Variants in DIAPH1 observed in about 807,000 individuals in gnomAD.
The protein encoded by DIAPH1 is protein diaphanous homolog 1.
DIAPH1 carries 46 observed loss-of-function variants against 140.7 expected under a neutral mutation model. That is an observed-to-expected ratio of 0.33 (90% CI 0.26 to 0.42). The LOEUF is 0.42. Among genes scored for constraint, DIAPH1 ranks in the 10% least tolerant of loss-of-function variants. The pLI, the probability that DIAPH1 is intolerant of heterozygous loss-of-function variation, is 1.00. For missense variants in DIAPH1, 1,310 were observed against 1,558.7 expected (o/e 0.84, Z 2.69); for synonymous variants, 565 against 551.6 (o/e 1.02, Z -0.34).
chr5:141,532,512 C>T (rs770912802), intron 19 of DIAPH1, among the ~76,000 whole-genome samples: 12 of 152,138 alleles, frequency 7.9e-5, no homozygotes, highest in Non-Finnish European at 1.5e-4. Flanking sequence ...GTAGTACCTC[C>T]TTTAGAATAT....
intron 18 of DIAPH1, among the ~76,000 whole-genome samples, chr5:141,553,329 C>T (rs2154595687): frequency 6.7e-6 from 1 of 149,510 alleles, no homozygotes; most frequent in Non-Finnish European, 1.5e-5. Context: ...AGATGTGTCC[C>T]AAACAATAAT....
intron 19 of DIAPH1, among the ~76,000 whole-genome samples, chr5:141,532,606 C>G (rs1020266404): frequency 2.0e-5 from 3 of 152,220 alleles, no homozygotes; most frequent in African/African-American, 7.2e-5. Context: ...TTCTAGCATA[C>G]CTCCATCATA....
At chr5:141,618,521 A>G in intron 1 of DIAPH1, 2 of 345,546 alleles carry the variant, frequency 5.8e-6, no homozygotes, top group South Asian at 7.7e-5. Context: ...CGGGGCTGAG[A>G]GCCGGCCGGG....
rs2099887567 is a variant in DIAPH1 at position 141,527,608 on chromosome 5, T to C, written c.3238A>G (p.Thr1080Ala). 1.2e-6 allele frequency: 2 copies of C among 1,611,778 alleles called. No homozygotes were observed. Among genetic ancestry groups the C allele is most frequent in the Non-Finnish European group, 1.7e-6 (2 of 1,179,336 alleles). The change falls in exon 24 of 28, where the codon ACA becomes GCA. Residue 1080 changes from threonine to alanine, a missense_variant. Physicochemically the swap from Thr to Ala is moderately conservative, Grantham distance 58 (BLOSUM62 0). Around this residue, in one of 3 missense-constraint regions of DIAPH1, gnomAD observed 344 missense variants for 512.2 expected, o/e 0.67. Coordinates refer to ENST00000389054, the MANE Select transcript of DIAPH1 (RefSeq NM_005219.5). ...TCAACAAACTTGTCTTTTTCATCTGTGGCAGCTGGGAAATTCTGAACATCA... is the reference window on the plus strand; with the variant it reads ...TCAACAAACTTGTCTTTTTCATCTGCGGCAGCTGGGAAATTCTGAACATCA... ...ERDVQNFPAATDEKDKFVEKM... is the reference protein window; with the variant it reads ...ERDVQNFPAAADEKDKFVEKM...
At chr5:141,578,972 A>C (rs1268368324) in intron 9 of DIAPH1, 116 bp downstream of exon 9, 2 of 842,220 alleles carry the variant, frequency 2.4e-6, no homozygotes, top group East Asian at 4.8e-5. Flanking sequence ...ACAGATTCTG[A>C]AATGTAAAAT....
intron 19 of DIAPH1, 106 bp from the exon 20 acceptor site, chr5:141,529,803 G>A: frequency 1.0e-6 from 1 of 985,944 alleles, no homozygotes; most frequent in Non-Finnish European, 1.6e-6. Context: ...GCTCTTTTAG[G>A]CCAGGCACAG....
At chr5:141,593,192 A>AGGAGGGG (rs1166137505) in intron 1 of DIAPH1, among the ~76,000 whole-genome samples, 2 of 152,208 alleles carry the variant, frequency 1.3e-5, no homozygotes, top group African/African-American at 4.8e-5. Context: ...TGGGAGTTAA[A>AGGAGGGG]GGAGGGGGAG....
intron 18 of DIAPH1, chr5:141,564,721 AAAG>A (rs1276763378): frequency 2.0e-5 from 3 of 152,238 alleles, no homozygotes; most frequent in Non-Finnish European, 2.9e-5. Context: ...GTCAGAAACA[AAAG>A]AAGAGTTTGA....
chr5:141,607,068 A>T (rs1316733752), intron 1 of DIAPH1, among the ~76,000 whole-genome samples: 1 of 152,130 alleles, frequency 6.6e-6, no homozygotes, highest in Non-Finnish European at 1.5e-5. Flanking sequence ...ATTAACTAAC[A>T]TGAGCTAAAT....
At chr5:141,591,849 C>T (rs1355281469) in intron 1 of DIAPH1, among the ~76,000 whole-genome samples, 11 of 149,506 alleles carry the variant, frequency 7.4e-5, no homozygotes, top group African/African-American at 2.5e-4. Flanking sequence ...TTTGGGAGGC[C>T]GAGTCGGGTG....
rs1327766925 is a variant in DIAPH1, at chr5:141,574,018, G to A, written c.1832C>T (p.Pro611Leu). The A allele has an allele frequency of 6.4e-7, 1 of 1,563,044 alleles. No homozygotes were observed. The highest frequency in any genetic ancestry group is 8.7e-7 in the Non-Finnish European group (1 of 1,154,216). Residue 611 changes from proline (P) to leucine (L), a missense_variant, in exon 16 of 28, where the codon CCT (proline) becomes CTT (leucine). Around this residue, in one of 3 missense-constraint regions of DIAPH1, gnomAD observed 589 missense variants for 549.3 expected, o/e 1.07. Coordinates refer to ENST00000389054, the MANE Select transcript of DIAPH1 (RefSeq NM_005219.5). ...APGDSTTPPP[P>L]PPPPPPPPPL... ...AGGTGGAGGAGGAGGAGGAGGAGGA[G>A]GAGGAGGAGGAGTGGTACTATCCCC...
intron 18 of DIAPH1, among the ~76,000 whole-genome samples, chr5:141,535,745 T>C (rs1442289249): frequency 1.3e-5 from 2 of 152,248 alleles, no homozygotes; most frequent in Non-Finnish European, 2.9e-5. Context: ...TAAAATACTT[T>C]GTACTATAGT....
chr5:141,576,942 G>C, intron 12 of DIAPH1, 71 bp from the exon 13 acceptor site: 1 of 982,534 alleles, frequency 1.0e-6, no homozygotes, highest in Non-Finnish European at 1.6e-6. Flanking sequence ...TCAGGACCAA[G>C]AAAACGTAAT....
At position 141,573,650 on chromosome 5, in the gene DIAPH1, C is replaced by T. The variant is rs374788809; in HGVS notation, c.2200G>A (p.Gly734Arg). The T allele has an allele frequency of 9.9e-5, 159 of 1,611,718 alleles. No individual in the cohort carries two copies. The highest frequency in any genetic ancestry group is 2.0e-4 in the East Asian group (9 of 44,756). ...PGIPPPPPFP[G>R]GPGIPPPPPG... ...GGAGGTGGAGGAATGCCAGGGCCTC[C>T]GGGAAATGGAGGAGGTGGAGGGATT... Residue 734 changes from glycine to arginine, a missense_variant, in exon 16 of 28, where the codon GGA becomes AGA. Physicochemically the swap from Gly to Arg is moderately radical, Grantham distance 125. This residue lies in a region of DIAPH1 where 589 missense variants were observed against 549.3 expected (regional missense o/e 1.07). Coordinates refer to ENST00000389054, the MANE Select transcript of DIAPH1 (RefSeq NM_005219.5).
At chr5:141,534,461 G>A (rs758972274) in intron 18 of DIAPH1, 28 bp from the exon 19 acceptor site, 6 of 1,594,172 alleles carry the variant, frequency 3.8e-6, no homozygotes, top group African/African-American at 2.7e-5. Flanking sequence ...AGAAAAGCAT[G>A]ATTAAAAGTA....
intron 27 of DIAPH1, among the ~76,000 whole-genome samples, chr5:141,517,744 AC>A (rs1266272803): frequency 6.6e-6 from 1 of 152,016 alleles, no homozygotes; most frequent in Non-Finnish European, 1.5e-5. Context: ...ACAGGAGAGG[AC>A]CCCTACCAAG....
At chr5:141,535,937 T>C (rs997039874) in intron 18 of DIAPH1, 1 of 445,694 alleles carries the variant, frequency 2.2e-6, no homozygotes, top group South Asian at 1.7e-5. Flanking sequence ...TGAAAAGTAT[T>C]ACCTGGTACA....
intron 1 of DIAPH1, among the ~76,000 whole-genome samples, chr5:141,589,918 C>CTT (rs998895903): frequency 2.1e-5 from 3 of 145,128 alleles, no homozygotes; most frequent in African/African-American, 5.0e-5. Context: ...TATAGTAAAT[C>CTT]TTTTTTTTTT....
intron 18 of DIAPH1, among the ~76,000 whole-genome samples, chr5:141,548,316 T>A: frequency 6.8e-6 from 1 of 146,104 alleles, no homozygotes; most frequent in African/African-American, 2.5e-5. Context: ...TTCCAAAATA[T>A]GGATGAAATA....
Sources: allele counts gnomAD v4.1 joint callset (sites outside exome capture counted in the v4.1 genomes callset), GRCh38; gene constraint gnomAD v4.1.1; regional missense constraint gnomAD v4.1.1; transcripts MANE v1.5; gene names NCBI Gene and HGNC (gene_info 2026-07-23, HGNC 2026-07-21).